Variants in INO80C observed in about 807,000 individuals in gnomAD.
The protein encoded by INO80C is INO80 complex subunit C, also known as IES6 homolog.
INO80C carries 17 observed loss-of-function variants against 17.7 expected under a neutral mutation model. The ratio of observed to expected loss-of-function variants is 0.96; its 90% CI spans 0.66 to 1.44. INO80C has a LOEUF of 1.44. INO80C is among the 40% of genes most tolerant of loss of function. INO80C has a pLI of 0.00. For missense variants in INO80C, 244 were observed against 245.0 expected, an observed-to-expected ratio of 1.00 and a Z score of 0.03; for synonymous variants, 96 against 95.8, an observed-to-expected ratio of 1.00 and a Z score of -0.01.
chr18:35,468,348 G>C lies in INO80C; in HGVS notation c.*263C>G, dbSNP rs1401005743. On this transcript the variant is annotated 3_prime_UTR_variant, in exon 5 of 5. Coordinates refer to ENST00000334598, the MANE Select transcript of INO80C (RefSeq NM_194281.4). ...GGACTTGGGATAAATGAAAAGTATGGTTTTATTGTATCTTCTTGTCAAACA... is the reference window on the plus strand; with the variant it reads ...GGACTTGGGATAAATGAAAAGTATGCTTTTATTGTATCTTCTTGTCAAACA... 5.4e-6 allele frequency: 7 copies of C among 1,296,220 alleles called. No individual in the cohort carries two copies. Among genetic ancestry groups the C allele is most frequent in the Non-Finnish European group, 4.9e-6 (5 of 1,016,460 alleles). The allele number at this position is 1,296,220 out of a possible 1,614,324, so 80.3% of individuals were successfully genotyped here.
chr18:35,497,812 C>T lies in INO80C; in HGVS notation c.63G>A (p.Lys21=), dbSNP rs1270433684. Residue 21 remains lysine (K), a synonymous_variant, in exon 1 of 5, where the codon AAG becomes AAA. Coordinates refer to ENST00000334598, the MANE Select transcript of INO80C (RefSeq NM_194281.4). The stretch of plus-strand genomic sequence containing the variant: ...TGTGGGAAGGGCTGGCCGGCCTCTT[C>T]TTGCTGTTCCGGACTATTCCGGGAG... ...TSTPGIVRNS[K]KRPASPSHNG... 1.2e-6 allele frequency: 2 copies of T among 1,612,962 alleles called. No homozygotes were observed. The highest frequency in any genetic ancestry group is 1.1e-5 in the South Asian group (1 of 91,050).
At chr18:35,494,001 T>C (rs2045955658) in intron 1 of INO80C, among the ~76,000 whole-genome samples, 2 of 152,180 alleles carry the variant, frequency 1.3e-5, no homozygotes, top group East Asian at 3.8e-4. Flanking sequence ...TGGGTTAATC[T>C]CACAATGAGC....
chr18:35,493,654 A>G (rs1047686381), intron 1 of INO80C, among the ~76,000 whole-genome samples: 3 of 152,214 alleles, frequency 2.0e-5, no homozygotes, highest in Middle Eastern at 3.2e-3. Flanking sequence ...TAAATTTCTA[A>G]ACTTCTTTAA....
At chr18:35,478,593 C>G (rs2045766412) in intron 3 of INO80C, among the ~76,000 whole-genome samples, 1 of 152,130 alleles carries the variant, frequency 6.6e-6, no homozygotes, top group South Asian at 2.1e-4. Context: ...ACCCTCTATT[C>G]CCACAGAACC....
rs533157711 is a variant in INO80C, at chr18:35,475,249, T to A, written c.447+3033A>T. On this transcript the variant is annotated intron_variant, in intron 4 of 4. Coordinates refer to ENST00000334598, the MANE Select transcript of INO80C (RefSeq NM_194281.4). The stretch of plus-strand genomic sequence containing the variant: ...GGTAAGAATTATATCAAACTTCTCA[T>A]CAGAAACCATGGAAGCAAAAAGACA... Among the ~76,000 whole-genome samples, 155 of 152,220 alleles carry A rather than the reference T, an allele frequency of 1.0e-3. 1 individual carries two copies. Among genetic ancestry groups the A allele is most frequent in the Non-Finnish European group, 1.9e-3 (128 of 68,018 alleles).
chr18:35,479,291 A>T lies in INO80C; in HGVS notation c.379+9T>A. On this transcript the variant is annotated intron_variant, in intron 3 of 4. Coordinates refer to ENST00000334598, the MANE Select transcript of INO80C (RefSeq NM_194281.4). ...ATTACAAACACATGGAAGGCTCTAGACAGCTCACAGTTAGGATCGTTCAGT... is the reference window on the plus strand; with the variant it reads ...ATTACAAACACATGGAAGGCTCTAGTCAGCTCACAGTTAGGATCGTTCAGT... The T allele has an allele frequency of 6.4e-7, 1 of 1,557,462 alleles. No homozygotes were observed. Among genetic ancestry groups the T allele is most frequent in the Non-Finnish European group, 8.9e-7 (1 of 1,128,426 alleles).
Position 35,477,572 on chromosome 18 carries a change from G to GAAAAC in INO80C, c.447+705_447+709dup, listed in dbSNP as rs369174665. On this transcript the variant is annotated intron_variant, in intron 4 of 4. Transcript: ENST00000334598. ...TCTCTAAGTTCATCCATTTGTTTAAGAAAACAAAACAAAACAAAACAAAAC... is the reference window on the plus strand; with the variant it reads ...TCTCTAAGTTCATCCATTTGTTTAAGAAAACAAAACAAAACAAAACAAAACAAAAC... Among the ~76,000 whole-genome samples, 1,420 of 152,106 alleles carry GAAAAC rather than the reference G, an allele frequency of 9.3e-3. 12 individuals are homozygous for GAAAAC. Among genetic ancestry groups the GAAAAC allele is most frequent in the South Asian group, 0.015 (71 of 4,820 alleles).
chr18:35,497,502 C>G (rs1860403785), intron 1 of INO80C: 2 of 1,364,196 alleles, frequency 1.5e-6, no homozygotes, highest in African/African-American at 3.0e-5. Flanking sequence ...AATAACCTCC[C>G]TACTTCTTCT....
rs778460076 is a variant in INO80C at position 35,479,320 on chromosome 18, C to G, written c.359G>C (p.Trp120Ser). 1 of 1,613,258 alleles carries G rather than the reference C, an allele frequency of 6.2e-7. No homozygotes were observed. The highest frequency in any genetic ancestry group is 1.1e-5 in the South Asian group (1 of 91,062). ...QILASERALP[W>S]QLNDPNYFSI... Reference sequence around the variant, plus strand: ...CTCACAGTTAGGATCGTTCAGTTGCCACGGCAATGCCCTTTCAGAAGCGAG... The same window carrying G: ...CTCACAGTTAGGATCGTTCAGTTGCGACGGCAATGCCCTTTCAGAAGCGAG... The change falls in exon 3 of 5, where the codon TGG becomes TCG. Residue 120 changes from tryptophan to serine, a missense_variant. By Grantham distance (177) the Trp-to-Ser change is radical. Coordinates refer to ENST00000334598, the MANE Select transcript of INO80C (RefSeq NM_194281.4).
intron 4 of INO80C, among the ~76,000 whole-genome samples, chr18:35,471,527 T>A (rs2045669451): frequency 6.6e-6 from 1 of 152,242 alleles, no homozygotes; most frequent in Non-Finnish European, 1.5e-5. Context: ...TAGACCTTGA[T>A]GTTGCTTCCA....
intron 1 of INO80C, among the ~76,000 whole-genome samples, chr18:35,486,819 AG>A (rs1426366741): frequency 6.6e-6 from 1 of 150,460 alleles, no homozygotes; most frequent in African/African-American, 2.4e-5. Flanking sequence ...AAATTTTAAT[AG>A]GAAAAAAAGA....
At chr18:35,489,225 C>A in intron 1 of INO80C, 1 of 211,290 alleles carries the variant, frequency 4.7e-6, no homozygotes, top group Non-Finnish European at 9.6e-6. Context: ...CAGCAGCAAC[C>A]CACTCTACCG....
At chr18:35,495,610 C>T (rs2045973048) in intron 1 of INO80C, among the ~76,000 whole-genome samples, 1 of 152,152 alleles carries the variant, frequency 6.6e-6, no homozygotes, top group Non-Finnish European at 1.5e-5. Flanking sequence ...TGACCACTTT[C>T]AGAAGCTTGT....
chr18:35,496,644 G>T (rs1161980488), intron 1 of INO80C: 1 of 152,208 alleles, frequency 6.6e-6, no homozygotes, highest in Non-Finnish European at 1.5e-5. Flanking sequence ...CTGTAACCTT[G>T]AAATCTTGGG....
intron 1 of INO80C, among the ~76,000 whole-genome samples, chr18:35,495,402 A>C (rs888926911): frequency 6.6e-6 from 1 of 152,230 alleles, no homozygotes; most frequent in Non-Finnish European, 1.5e-5. Context: ...TGACAGAAGA[A>C]GACCCTGTCT....
chr18:35,475,720 A>G (rs1337507534), intron 4 of INO80C, among the ~76,000 whole-genome samples: 1 of 152,186 alleles, frequency 6.6e-6, no homozygotes. Flanking sequence ...ACAAAACAAA[A>G]AAAGAAAGGA....
intron 4 of INO80C, among the ~76,000 whole-genome samples, chr18:35,471,517 T>C (rs909081950): frequency 6.6e-6 from 1 of 152,262 alleles, no homozygotes. Flanking sequence ...TCCACTGTGA[T>C]AGACCTTGAT....
intron 1 of INO80C, among the ~76,000 whole-genome samples, chr18:35,482,637 T>C (rs1013373116): frequency 2.6e-5 from 4 of 152,108 alleles, no homozygotes; most frequent in African/African-American, 9.7e-5. Context: ...TTTCTTAGCT[T>C]TTCTTCCCTC....
At chr18:35,471,168 A>G (rs2045664934) in intron 4 of INO80C, among the ~76,000 whole-genome samples, 1 of 152,244 alleles carries the variant, frequency 6.6e-6, no homozygotes, top group African/African-American at 2.4e-5. Flanking sequence ...TTTAAATTAT[A>G]TAAGCAACAG....
Sources: allele counts gnomAD v4.1 joint callset (sites outside exome capture counted in the v4.1 genomes callset), GRCh38; gene constraint gnomAD v4.1.1; transcripts MANE v1.5; gene names NCBI Gene and HGNC (gene_info 2026-07-23, HGNC 2026-07-21).